Variants in PLEKHS1 observed in about 807,000 individuals in gnomAD.
PLEKHS1 encodes the protein pleckstrin homology domain containing S1.
PLEKHS1 carries 55 observed loss-of-function variants against 51.0 expected under a neutral mutation model. That is an observed-to-expected ratio of 1.08 (90% CI 0.87 to 1.35). PLEKHS1 has a LOEUF of 1.35. Among genes scored for constraint, PLEKHS1 ranks in the 40% most tolerant of loss-of-function variants. The probability of loss-of-function intolerance (pLI) is 0.00; values close to 1 mark genes in which losing one functional copy is unlikely to be tolerated. For synonymous variants in PLEKHS1, 153 were observed against 144.8 expected, an observed-to-expected ratio of 1.06 and a Z score of -0.41; for missense variants, 398 against 423.0, an observed-to-expected ratio of 0.94 and a Z score of 0.52.
intron 2 of PLEKHS1, among the ~76,000 whole-genome samples, chr10:113,762,048 G>A (rs990689002): frequency 6.6e-6 from 1 of 152,024 alleles, no homozygotes; most frequent in Non-Finnish European, 1.5e-5. Context: ...CTTTGTTGGT[G>A]TAGTTCAAGG....
chr10:113,769,395 A>T (rs1175883452), intron 6 of PLEKHS1, among the ~76,000 whole-genome samples: 2 of 152,170 alleles, frequency 1.3e-5, no homozygotes, highest in African/African-American at 4.8e-5. Flanking sequence ...GTCCCTAGGT[A>T]TCTTTTTTTG....
At chr10:113,763,671 T>C (rs1292660326) in intron 2 of PLEKHS1, among the ~76,000 whole-genome samples, 1 of 152,220 alleles carries the variant, frequency 6.6e-6, no homozygotes, top group East Asian at 1.9e-4. Flanking sequence ...CAAGTGATAG[T>C]ATACCAATTC....
intron 11 of PLEKHS1, among the ~76,000 whole-genome samples, chr10:113,776,845 C>A (rs1019339821): frequency 6.6e-6 from 1 of 152,122 alleles, no homozygotes; most frequent in African/African-American, 2.4e-5. Flanking sequence ...GGTACTCACA[C>A]AATGTAATAG....
exon 7 of PLEKHS1, chr10:113,769,842 C>T (rs1224113672): frequency 1.9e-6 from 3 of 1,614,068 alleles, no homozygotes; most frequent in Non-Finnish European, 2.5e-6. Flanking sequence ...CTCCTTGGCC[C>T]TTCCAGCACA....
rs529055203 is a variant in PLEKHS1 at position 113,779,398 on chromosome 10, G to A, written c.*-1204G>A. On this transcript the variant is annotated intron_variant, in intron 11 of 11. Coordinates refer to ENST00000361048, the Ensembl canonical transcript of PLEKHS1. ...AGCCTGGCCAATATAGTGAAACCCC[G>A]TCTGTATGAAAAATACAAAAAATTA... 2.7e-4 allele frequency among the ~76,000 whole-genome samples: 41 copies of A among 152,162 alleles called. No individual in the cohort carries two copies. In the South Asian group the frequency reaches 6.7e-3, roughly 25 times the overall value.
At chr10:113,753,122 C>T (rs1853923314) in intron 1 of PLEKHS1, among the ~76,000 whole-genome samples, 1 of 152,152 alleles carries the variant, frequency 6.6e-6, no homozygotes, top group Admixed American at 6.5e-5. Context: ...GCAGTAAACA[C>T]TGCTTTAAAA....
At chr10:113,776,316 TCACAGA>T (rs1844659733) in intron 11 of PLEKHS1, among the ~76,000 whole-genome samples, 1 of 152,168 alleles carries the variant, frequency 6.6e-6, no homozygotes, top group Admixed American at 6.6e-5. Flanking sequence ...AAACTGCTAG[TCACAGA>T]CACAGACACA....
At chr10:113,759,755 T>G (rs879539447) in intron 2 of PLEKHS1, among the ~76,000 whole-genome samples, 2 of 152,232 alleles carry the variant, frequency 1.3e-5, no homozygotes, top group Admixed American at 6.5e-5. Context: ...GCATTAATTT[T>G]TGTAAAATCA....
At chr10:113,774,949 T>C (rs1217624747) in exon 10 of PLEKHS1, 1 of 1,614,036 alleles carries the variant, frequency 6.2e-7, no homozygotes, top group Non-Finnish European at 8.5e-7. Flanking sequence ...ATTGGTGTCT[T>C]TCCCCTGCCG....
At chr10:113,774,857 G>C in exon 10 of PLEKHS1, 1 of 1,614,050 alleles carries the variant, frequency 6.2e-7, no homozygotes, top group Non-Finnish European at 8.5e-7. Context: ...TGAGTCTGTG[G>C]ATAGCAGCAA....
chr10:113,780,862 G>A (rs141913965), exon 12 of PLEKHS1: 6 of 1,303,368 alleles, frequency 4.6e-6, no homozygotes, highest in Non-Finnish European at 6.2e-6. Flanking sequence ...CATGTGATAG[G>A]AGACAGTCGG....
At chr10:113,759,598 G>A (rs1427131860) in intron 2 of PLEKHS1, among the ~76,000 whole-genome samples, 1 of 152,014 alleles carries the variant, frequency 6.6e-6, no homozygotes, top group African/African-American at 2.4e-5. Context: ...CTGGTATTGA[G>A]TGCACCAATA....
At chr10:113,753,986 T>G (rs1448782802) in intron 1 of PLEKHS1, among the ~76,000 whole-genome samples, 2 of 152,072 alleles carry the variant, frequency 1.3e-5, no homozygotes, top group Non-Finnish European at 2.9e-5. Context: ...TTTTGTACTT[T>G]TAGTAGAGAT....
exon 12 of PLEKHS1, chr10:113,781,671 T>C (rs1844874555): frequency 1.0e-5 from 1 of 98,296 alleles, no homozygotes; most frequent in Non-Finnish European, 2.1e-5. Flanking sequence ...AGACACCTCC[T>C]TCCCAACACC....
intron 11 of PLEKHS1, among the ~76,000 whole-genome samples, chr10:113,778,396 G>T (rs1844762507): frequency 6.6e-6 from 1 of 152,112 alleles, no homozygotes; most frequent in South Asian, 2.1e-4. Flanking sequence ...TCAAATTTCT[G>T]AAAACCATTG....
At chr10:113,778,643 C>CTTTTTTTTTTTTT (rs55821501) in intron 11 of PLEKHS1, among the ~76,000 whole-genome samples, 1 of 127,114 alleles carries the variant, frequency 7.9e-6, no homozygotes, top group Non-Finnish European at 1.6e-5. Flanking sequence ...CGTTCACTTT[C>CTTTTTTTTTTTTT]TTTTTTTTTT....
Position 113,769,727 on chromosome 10 carries a change from G to A in PLEKHS1, c.436-57G>A, listed in dbSNP as rs569597542. 9.1e-5 allele frequency: 102 copies of A among 1,117,262 alleles called. 3 individuals carry two copies. Among genetic ancestry groups the A allele is most frequent in the Admixed American group, 6.1e-4 (36 of 58,896 alleles). 69.2% of individuals were successfully genotyped at this position (1,117,262 alleles called of 1,614,324 possible). A position where few individuals can be genotyped will look rare whatever the true frequency, so the allele number is the denominator to read the frequency against. The stretch of plus-strand genomic sequence containing the variant: ...CAAGGAGCCCGGTAGAGAGGCTGCC[G>A]TTTCATTCCAGACAGAGATCAACTG... On this transcript the variant is annotated intron_variant, in intron 6 of 11. Coordinates refer to ENST00000361048, the Ensembl canonical transcript of PLEKHS1.
At chr10:113,772,762 G>A (rs184954131) in intron 8 of PLEKHS1, among the ~76,000 whole-genome samples, 64 of 152,316 alleles carry the variant, frequency 4.2e-4, no homozygotes, top group African/African-American at 1.4e-3. Flanking sequence ...ATACATGTAT[G>A]GGGAATAGTT....
At chr10:113,778,272 G>T (rs930877609) in intron 11 of PLEKHS1, among the ~76,000 whole-genome samples, 1 of 152,152 alleles carries the variant, frequency 6.6e-6, no homozygotes, top group African/African-American at 2.4e-5. Flanking sequence ...GAGAGAGTAT[G>T]CTGGGTCTTC....
Sources: gnomAD v4.1 joint callset for allele counts (sites outside exome capture counted in the v4.1 genomes callset) on GRCh38, gnomAD v4.1.1 for gene constraint, MANE v1.5 for transcripts, NCBI Gene and HGNC (gene_info 2026-07-23, HGNC 2026-07-21) for gene names.